Variants in SMAD2 observed in about 807,000 individuals in gnomAD.
SMAD2 encodes SMAD family member 2, also known as MAD homolog 2.
In SMAD2, 8 loss-of-function variants were observed where a neutral mutation model predicts 64.4. That is an observed-to-expected ratio of 0.12 (90% CI 0.07 to 0.22). The LOEUF is 0.22. SMAD2 is among the 10% of genes least tolerant of loss of function. SMAD2 has a pLI of 1.00. For synonymous variants in SMAD2, 203 were observed against 195.8 expected (o/e 1.04, Z -0.31); for missense variants, 289 against 561.2 (o/e 0.51, Z 4.90).
rs192771617 is a variant in SMAD2, at chr18:47,916,508, C to T, written c.-54+13853G>A. On this transcript the variant is annotated intron_variant, in intron 1 of 10. Transcript: ENST00000262160. ...CTTGTCTCACTGCAACCTCTGTCTC[C>T]TGGGCTCTGCCTCAGCCACCTGATT... is the stretch of plus-strand genomic sequence containing the variant. Among the ~76,000 whole-genome samples the T allele has an allele frequency of 2.7e-3, 416 of 152,224 alleles. 4 individuals carry two copies. Among genetic ancestry groups the T allele is most frequent in the Non-Finnish European group, 2.0e-3 (137 of 68,016 alleles).
intron 1 of SMAD2, among the ~76,000 whole-genome samples, chr18:47,919,341 G>A (rs923327482): frequency 5.0e-5 from 7 of 140,112 alleles, no homozygotes; most frequent in Admixed American, 1.4e-4. Context: ...ATCAAAAGGA[G>A]ATACTAGTAA....
intron 6 of SMAD2, among the ~76,000 whole-genome samples, chr18:47,863,211 T>A (rs1042006924): frequency 2.0e-5 from 3 of 152,214 alleles, no homozygotes; most frequent in Non-Finnish European, 4.4e-5. Context: ...CAGAATTGTT[T>A]CTTGCCATGG....
chr18:47,879,495 C>CGT (rs58440360), intron 2 of SMAD2, among the ~76,000 whole-genome samples: 5,051 of 141,394 alleles, frequency 0.036, 133 homozygotes, highest in African/African-American at 0.07. Flanking sequence ...ATGTATATGA[C>CGT]GTGTGTGTGT....
At chr18:47,899,596 C>T (rs12605333) in intron 1 of SMAD2, among the ~76,000 whole-genome samples, 84,747 of 151,832 alleles carry the variant, frequency 0.56, 24,033 homozygotes, top group East Asian at 0.82. Flanking sequence ...TGTGTCAATG[C>T]ATTGTGTTGC....
rs956561239 is a variant in SMAD2, at chr18:47,824,857, C to T, written c.*16970G>A. 6 of 152,208 alleles carry T rather than the reference C, an allele frequency of 3.9e-5. No individual in the cohort carries two copies. The South Asian group carries it at 8.3e-4, about 21-fold the overall frequency. The allele number at this position is 152,208 out of a possible 1,614,324, so 9.4% of individuals were successfully genotyped here. The stretch of plus-strand genomic sequence containing the variant: ...GCAAAAAACTTTGTTTTCATATGCC[C>T]ATTATGGCTTGCTGACTGGCTTACT... On this transcript the variant is annotated 3_prime_UTR_variant, in exon 11 of 11. Coordinates refer to ENST00000262160, the MANE Select transcript of SMAD2 (RefSeq NM_005901.6).
intron 6 of SMAD2, among the ~76,000 whole-genome samples, chr18:47,860,661 C>T (rs943334546): frequency 5.9e-5 from 9 of 151,990 alleles, no homozygotes; most frequent in Non-Finnish European, 8.8e-5. Context: ...CTTTCCAACA[C>T]ATTTTATGAT....
rs1912688384 is a variant in SMAD2 at position 47,824,713 on chromosome 18, A to C, written c.*17114T>G. ...AACACACTAAAGTACAGTATACTCA[A>C]TTTTAAATATAGACAGTATATTTAA... On this transcript the variant is annotated 3_prime_UTR_variant, in exon 11 of 11. Coordinates refer to ENST00000262160, the MANE Select transcript of SMAD2 (RefSeq NM_005901.6). 1 of 152,240 alleles carries C rather than the reference A, an allele frequency of 6.6e-6. No individual in the cohort carries two copies. The highest frequency in any genetic ancestry group is 1.5e-5 in the Non-Finnish European group (1 of 68,046). The allele number at this position is 152,240 out of a possible 1,614,324, so 9.4% of individuals were successfully genotyped here.
In SMAD2 at chr18:47,848,493, T is replaced by C; in HGVS notation, c.979A>G (p.Met327Val). The change falls in exon 8 of 11, where the codon ATG (methionine) becomes GTG (valine). Residue 327 changes from methionine to valine, a missense_variant. Met to Val is a conservative substitution (Grantham distance 21, BLOSUM62 1). Around this residue, in one of 6 missense-constraint regions of SMAD2, gnomAD observed 49 missense variants for 101.1 expected, o/e 0.48. Transcript: ENST00000262160. ...AACATACCTATATGCCTTCTTGTCATTTCTACCGTGGCATTTCGGTTAACA... is the reference window on the plus strand; with the variant it reads ...AACATACCTATATGCCTTCTTGTCACTTCTACCGTGGCATTTCGGTTAACA... ...SNVNRNATVE[M>V]TRRHIGRGVR... The C allele has an allele frequency of 6.2e-7, 1 of 1,613,102 alleles. No individual in the cohort carries two copies. The highest frequency in any genetic ancestry group is 8.5e-7 in the Non-Finnish European group (1 of 1,179,054).
rs751206033 is a variant in SMAD2, at chr18:47,832,716, T to C, written c.*9111A>G. ...CTTAAAAATGTTATTTTGTTAAAAG[T>C]ATATTTCAGCAAATTTCAACTTTGA... On this transcript the variant is annotated 3_prime_UTR_variant, in exon 11 of 11. Transcript: ENST00000262160. 4.6e-5 allele frequency: 7 copies of C among 152,188 alleles called. No individual in the cohort carries two copies. Among genetic ancestry groups the C allele is most frequent in the Non-Finnish European group, 8.8e-5 (6 of 68,034 alleles). The allele number at this position is 152,188 out of a possible 1,614,324, so 9.4% of individuals were successfully genotyped here.
rs961833816 is a variant in SMAD2 at position 47,896,929 on chromosome 18, T to C, written c.-53-120A>G. ...GAAATTCGAATTATGACTTTCCCAA[T>C]AGACTTCTCCACCCATGAAAACGTT... is the stretch of plus-strand genomic sequence containing the variant. On this transcript the variant is annotated intron_variant, in intron 1 of 10. Coordinates refer to ENST00000262160, the MANE Select transcript of SMAD2 (RefSeq NM_005901.6). 135 of 863,870 alleles carry C rather than the reference T, an allele frequency of 1.6e-4. No homozygotes were observed. The Admixed American group carries it at 2.2e-3, about 14-fold the overall frequency. 53.5% of individuals were successfully genotyped at this position (863,870 alleles called of 1,614,324 possible).
chr18:47,850,253 T>G (rs1915046135), intron 7 of SMAD2, among the ~76,000 whole-genome samples: 1 of 90,352 alleles, frequency 1.1e-5, no homozygotes, highest in Non-Finnish European at 1.9e-5. Context: ...ATATTATATA[T>G]ATTATGTATA....
intron 1 of SMAD2, among the ~76,000 whole-genome samples, chr18:47,905,926 G>A (rs1355136402): frequency 2.0e-5 from 3 of 151,908 alleles, no homozygotes; most frequent in African/African-American, 7.3e-5. Context: ...AGCCTGGACA[G>A]CATGGCAAGA....
At chr18:47,888,631 C>G (rs545854843) in intron 2 of SMAD2, among the ~76,000 whole-genome samples, 1 of 152,326 alleles carries the variant, frequency 6.6e-6, no homozygotes, top group South Asian at 2.1e-4. Context: ...AAATGGCAGT[C>G]TAGCCCCACC....
chr18:47,908,981 A>G (rs897156273), intron 1 of SMAD2, among the ~76,000 whole-genome samples: 2 of 152,062 alleles, frequency 1.3e-5, no homozygotes, highest in Non-Finnish European at 2.9e-5. Context: ...AAAAACTCCA[A>G]TTGCTTGGTA....
intron 1 of SMAD2, among the ~76,000 whole-genome samples, chr18:47,924,333 A>G (rs1343366928): frequency 2.0e-5 from 3 of 152,040 alleles, no homozygotes; most frequent in Non-Finnish European, 4.4e-5. Flanking sequence ...ATCTCTAGTC[A>G]ACAAAAGAGT....
intron 7 of SMAD2, among the ~76,000 whole-genome samples, chr18:47,850,332 A>T (rs1351684936): frequency 2.1e-5 from 1 of 47,624 alleles, no homozygotes; most frequent in African/African-American, 1.0e-4. Context: ...ATTATGTATA[A>T]TATATGTTAT....
chr18:47,813,733 GGA>G lies in SMAD2; in HGVS notation c.*28092_*28093del, dbSNP rs1401986094. ...ACAATTTTTTTTTTTTTTTTTTTTT[GGA>G]GAGATGGGATCTTGCTATGTTGATC... is the stretch of plus-strand genomic sequence containing the variant. On this transcript the variant is annotated 3_prime_UTR_variant, in exon 11 of 11. Transcript: ENST00000262160. The G allele has an allele frequency of 7.4e-5, 2 of 26,976 alleles. No homozygotes were observed. Among genetic ancestry groups the G allele is most frequent in the African/African-American group, 2.7e-4 (2 of 7,342 alleles). 1.7% of individuals were successfully genotyped at this position (26,976 alleles called of 1,614,324 possible).
intron 1 of SMAD2, among the ~76,000 whole-genome samples, chr18:47,904,368 G>A (rs1184997137): frequency 6.6e-6 from 1 of 151,530 alleles, no homozygotes; most frequent in East Asian, 1.9e-4. Context: ...CTGCTGAGTT[G>A]GGGGATTTGT....
chr18:47,849,485 A>T (rs1598753686), intron 7 of SMAD2, among the ~76,000 whole-genome samples: 1 of 7,004 alleles, frequency 1.4e-4, no homozygotes, highest in East Asian at 8.6e-3. Context: ...ACAGAAATGT[A>T]TGTATATATA....
Sources: allele counts gnomAD v4.1 joint callset (sites outside exome capture counted in the v4.1 genomes callset), GRCh38; gene constraint gnomAD v4.1.1; regional missense constraint gnomAD v4.1.1; transcripts MANE v1.5; gene names NCBI Gene and HGNC (gene_info 2026-07-23, HGNC 2026-07-21).